ERLIN1: variants seen among roughly 807,000 people sequenced by gnomAD.
ERLIN1 encodes ER lipid raft associated 1.
A neutral mutation model predicts 46.9 loss-of-function variants in ERLIN1; 24 were observed. The ratio of observed to expected loss-of-function variants is 0.51; its 90% CI spans 0.37 to 0.72. ERLIN1 has a LOEUF of 0.72. Ranked by LOEUF, ERLIN1 falls within the 30% of genes least tolerant of loss-of-function variation. The pLI is 0.00. For synonymous variants in ERLIN1, 158 were observed against 143.2 expected (o/e 1.10, Z -0.74); for missense variants, 293 against 417.9 (o/e 0.70, Z 2.61).
At chr10:100,166,028 T>C (rs1011829585) in intron 7 of ERLIN1, among the ~76,000 whole-genome samples, 16 of 152,188 alleles carry the variant, frequency 1.1e-4, no homozygotes, top group African/African-American at 3.9e-4. Context: ...AGCCCGCCTA[T>C]AAATATTTTT....
intron 9 of ERLIN1, among the ~76,000 whole-genome samples, chr10:100,155,514 AATTTTTTTTTT>A (rs1278553873): frequency 2.2e-5 from 3 of 134,902 alleles, no homozygotes; most frequent in Admixed American, 7.4e-5. Flanking sequence ...ATTTATTTTT[AATTTTTTTTTT>A]ATTTTTTGAG....
chr10:100,172,191 C>T lies in ERLIN1; in HGVS notation c.504+2017G>A, dbSNP rs1844040216. 5.9e-5 allele frequency among the ~76,000 whole-genome samples: 9 copies of T among 152,236 alleles called. No individual in the cohort carries two copies. The South Asian group carries it at 1.9e-3, about 32-fold the overall frequency. ...TATAACCATTAAAAGTAATGATTTA[C>T]CAAACCTATATTTTTGTTTTGGAAA... On this transcript the variant is annotated intron_variant, in intron 6 of 10. Transcript: ENST00000421367.
chr10:100,178,915 T>A (rs549791339), intron 3 of ERLIN1, among the ~76,000 whole-genome samples: 2 of 152,280 alleles, frequency 1.3e-5, no homozygotes, highest in South Asian at 4.1e-4. Flanking sequence ...AAAAATAAAG[T>A]CTTTAAAAAA....
intron 2 of ERLIN1, among the ~76,000 whole-genome samples, chr10:100,182,245 G>C (rs1036306844): frequency 6.8e-6 from 1 of 147,442 alleles, no homozygotes; most frequent in African/African-American, 2.5e-5. Context: ...GCCCAGGCTG[G>C]TCTCAAACTC....
intron 1 of ERLIN1, among the ~76,000 whole-genome samples, chr10:100,184,391 C>CA (rs1448945182): frequency 2.0e-5 from 3 of 152,026 alleles, no homozygotes; most frequent in African/African-American, 7.2e-5. Context: ...CAAGACTATA[C>CA]AAATAAATAG....
chr10:100,167,473 A>C, intron 6 of ERLIN1, 67 bp from the exon 7 acceptor site: 1 of 1,325,806 alleles, frequency 7.5e-7, no homozygotes, highest in South Asian at 1.2e-5. Flanking sequence ...AATCTTCTAC[A>C]GAAAAGCCCC....
chr10:100,156,174 T>G lies in ERLIN1; in HGVS notation c.716A>C (p.Glu239Ala), dbSNP rs967334247. 6.2e-7 allele frequency: 1 copy of G among 1,613,198 alleles called. No homozygotes were observed. The highest frequency in any genetic ancestry group is 8.5e-7 in the Non-Finnish European group (1 of 1,179,392). Residue 239 changes from glutamate (E) to alanine (A), a missense_variant, in exon 9 of 11, where the codon GAA (glutamate) becomes GCA (alanine). By Grantham distance (107) the Glu-to-Ala change is moderately radical. Around this residue, in one of 3 missense-constraint regions of ERLIN1, gnomAD observed 148 missense variants for 266.5 expected, o/e 0.56. Transcript: ENST00000421367. ...GATTTCAGAAATGCGCTTTTCAGTTTCTTTTTCCATCACTTTCTGCTGAAA... is the reference window on the plus strand; with the variant it reads ...GATTTCAGAAATGCGCTTTTCAGTTGCTTTTTCCATCACTTTCTGCTGAAA... ...IRFQQKVMEK[E>A]TEKRISEIED...
chr10:100,172,390 ATTC>A (rs534131825), intron 6 of ERLIN1, among the ~76,000 whole-genome samples: 53 of 152,312 alleles, frequency 3.5e-4, no homozygotes, highest in Non-Finnish European at 1.3e-4. Context: ...ATTTCATTTT[ATTC>A]TTCATCATTT....
chr10:100,169,081 A>T (rs958100775), intron 6 of ERLIN1, among the ~76,000 whole-genome samples: 1 of 152,222 alleles, frequency 6.6e-6, no homozygotes, highest in Non-Finnish European at 1.5e-5. Context: ...ATTTTCAAAT[A>T]TGTGAAAACA....
At chr10:100,175,821 G>T in intron 5 of ERLIN1, 124 bp downstream of exon 5, 1 of 686,944 alleles carries the variant, frequency 1.5e-6, no homozygotes, top group Non-Finnish European at 2.2e-6. Flanking sequence ...AAAGACAATT[G>T]CTCTATGATA....
Position 100,152,393 on chromosome 10 carries a change from T to C in ERLIN1, c.826-41A>G, listed in dbSNP as rs1030126697. 3.4e-5 allele frequency: 38 copies of C among 1,116,602 alleles called. 1 individual carries two copies. In the East Asian group the frequency reaches 8.6e-4, roughly 25 times the overall value. 69.2% of individuals were successfully genotyped at this position (1,116,602 alleles called of 1,614,324 possible). On this transcript the variant is annotated intron_variant, in intron 10 of 10. Coordinates refer to ENST00000421367, the MANE Select transcript of ERLIN1 (RefSeq NM_006459.4). ...CAAGAGCAAAGGCATCAGAATACTC[T>C]GGTGCAACAGTCTTCTCTCTCCCTA...
Position 100,182,174 on chromosome 10 carries a change from A to G in ERLIN1, c.195+1582T>C, listed in dbSNP as rs190968704. On this transcript the variant is annotated intron_variant, in intron 2 of 10. Coordinates refer to ENST00000421367, the MANE Select transcript of ERLIN1 (RefSeq NM_006459.4). ...ATCTACCTGGTTTTGAACAAGATCT[A>G]TTTGTTAGAGCCTTGATTTTTTTTT... 1.5e-4 allele frequency among the ~76,000 whole-genome samples: 23 copies of G among 148,964 alleles called. No individual in the cohort carries two copies. The East Asian group carries it at 3.5e-3, about 23-fold the overall frequency.
In ERLIN1 at chr10:100,185,676, A is replaced by G. The variant is rs201252428; in HGVS notation, c.-50T>C. 6.9e-7 allele frequency: 1 copy of G among 1,459,846 alleles called. No individual in the cohort carries two copies. The highest frequency in any genetic ancestry group is 9.6e-7 in the Non-Finnish European group (1 of 1,040,260). 90.4% of individuals were successfully genotyped at this position (1,459,846 alleles called of 1,614,324 possible). A position where few individuals can be genotyped will look rare whatever the true frequency, so the allele number is the denominator to read the frequency against. ...AAAAGGACCCTCAGTCCCGTGAGTG[A>G]CAGGTCCACCCCCTCCAGTTTCTAC... is the stretch of plus-strand genomic sequence containing the variant. On this transcript the variant is annotated 5_prime_UTR_variant, in exon 1 of 11. Coordinates refer to ENST00000421367, the MANE Select transcript of ERLIN1 (RefSeq NM_006459.4).
chr10:100,174,142 A>G (rs138559073), intron 6 of ERLIN1, 66 bp downstream of exon 6: 4 of 989,888 alleles, frequency 4.0e-6, no homozygotes, highest in East Asian at 5.2e-5. Context: ...AAACAATCCA[A>G]TGAAAGGAGG....
At chr10:100,179,303 CT>C (rs1462953409) in intron 2 of ERLIN1, 56 bp from the exon 3 acceptor site, 5 of 1,295,932 alleles carry the variant, frequency 3.9e-6, no homozygotes, top group Non-Finnish European at 5.5e-6. Flanking sequence ...CAAAAAACTA[CT>C]GGTACCAGAG....
At chr10:100,167,464 A>G in intron 6 of ERLIN1, 58 bp from the exon 7 acceptor site, 1 of 1,401,942 alleles carries the variant, frequency 7.1e-7, no homozygotes, top group South Asian at 1.2e-5. Context: ...TTCAAATTAA[A>G]TCTTCTACAG....
At chr10:100,163,378 T>TAA (rs10706601) in intron 8 of ERLIN1, among the ~76,000 whole-genome samples, 3,544 of 142,684 alleles carry the variant, frequency 0.025, 41 homozygotes, top group Middle Eastern at 0.033. Context: ...ATTTTTTTCT[T>TAA]AAAAAAAAAA....
chr10:100,182,164 A>C (rs1564819514), intron 2 of ERLIN1, among the ~76,000 whole-genome samples: 1 of 151,384 alleles, frequency 6.6e-6, no homozygotes, highest in Non-Finnish European at 1.5e-5. Context: ...CCTGGTTTTG[A>C]ACAAGATCTA....
rs367975289 is a variant in ERLIN1, at chr10:100,168,464, CAT to C, written c.505-1060_505-1059del. The stretch of plus-strand genomic sequence containing the variant: ...AACTCACAACACACTGGCAGTGACA[CAT>C]GTGAGGCCTCACAACTCAGTGGAGA... On this transcript the variant is annotated intron_variant, in intron 6 of 10. Transcript: ENST00000421367. Among the ~76,000 whole-genome samples, 445 of 152,260 alleles carry C rather than the reference CAT, an allele frequency of 2.9e-3. 7 individuals are homozygous for C. Among genetic ancestry groups the C allele is most frequent in the African/African-American group, 9.9e-3 (413 of 41,552 alleles).
Sources: allele counts gnomAD v4.1 joint callset (sites outside exome capture counted in the v4.1 genomes callset), GRCh38; gene constraint gnomAD v4.1.1; regional missense constraint gnomAD v4.1.1; transcripts MANE v1.5; gene names NCBI Gene and HGNC (gene_info 2026-07-23, HGNC 2026-07-21).